The following AKAP6 variants were observed in gnomAD, a reference collection of about 807,000 sequenced individuals.
AKAP6 encodes the protein A-kinase anchoring protein 6, also known as A-kinase anchor protein 6.
In AKAP6, 58 loss-of-function variants were observed where a neutral mutation model predicts 188.5. The ratio of observed to expected loss-of-function variants is 0.31; its 90% CI spans 0.25 to 0.38. The LOEUF (loss-of-function observed/expected upper bound fraction) is 0.38. AKAP6 is among the 10% of genes least tolerant of loss of function. The pLI is 1.00. For synonymous variants in AKAP6, 989 were observed against 998.6 expected (o/e 0.99, Z 0.18); for missense variants, 2,710 against 2,740.0 (o/e 0.99, Z 0.24).
chr14:32,353,323 G>A (rs1887356592), intron 1 of AKAP6, among the ~76,000 whole-genome samples: 1 of 152,214 alleles, frequency 6.6e-6, no homozygotes, highest in African/African-American at 2.4e-5. Context: ...AGCACTTTGG[G>A]AAGCCGAGGT....
At chr14:32,462,021 G>T (rs2138824431) in intron 2 of AKAP6, among the ~76,000 whole-genome samples, 1 of 152,046 alleles carries the variant, frequency 6.6e-6, no homozygotes, top group African/African-American at 2.4e-5. Flanking sequence ...GTGAAGACAA[G>T]ATTAGAGGAA....
At chr14:32,648,257 TA>T (rs1179140173) in intron 7 of AKAP6, among the ~76,000 whole-genome samples, 3 of 152,112 alleles carry the variant, frequency 2.0e-5, no homozygotes, top group African/African-American at 2.4e-5. Flanking sequence ...AAAATTACAA[TA>T]AAAATATCTC....
chr14:32,352,103 TTGTGTGTGTG>T (rs398024717), intron 1 of AKAP6, among the ~76,000 whole-genome samples: 16 of 120,356 alleles, frequency 1.3e-4, no homozygotes, highest in South Asian at 1.0e-3. Flanking sequence ...GTGTGTGTGT[TTGTGTGTGTG>T]TGTGTGTGTG....
chr14:32,413,034 G>T (rs1889538563), intron 1 of AKAP6, among the ~76,000 whole-genome samples: 1 of 152,070 alleles, frequency 6.6e-6, no homozygotes, highest in Admixed American at 6.6e-5. Flanking sequence ...CTATCCAGAG[G>T]TCCTTAAGAG....
chr14:32,532,012 T>A (rs1353942678), intron 2 of AKAP6, among the ~76,000 whole-genome samples: 1 of 152,232 alleles, frequency 6.6e-6, no homozygotes, highest in Non-Finnish European at 1.5e-5. Context: ...GGAGTGGGAT[T>A]GCTGGGTCAT....
intron 7 of AKAP6, among the ~76,000 whole-genome samples, chr14:32,604,013 T>A (rs1886039189): frequency 6.6e-6 from 1 of 152,134 alleles, no homozygotes; most frequent in African/African-American, 2.4e-5. Flanking sequence ...TGAATTTAAA[T>A]ATCAAGAAGA....
rs972876403 is a variant in AKAP6 at position 32,433,931 on chromosome 14, C to A, written c.324+114C>A. The A allele has an allele frequency of 8.5e-5, 84 of 986,146 alleles. 1 individual carries two copies. The Middle Eastern group carries it at 9.1e-4, about 11-fold the overall frequency. 61.1% of individuals were successfully genotyped at this position (986,146 alleles called of 1,614,324 possible). ...ATTGTCCAGGAAGAAAAGCACAGTA[C>A]CAGGTTTCAAACCATTATCTTTAGA... On this transcript the variant is annotated intron_variant, in intron 2 of 13. Transcript: ENST00000280979.
chr14:32,509,462 T>G (rs1429219060), intron 2 of AKAP6, among the ~76,000 whole-genome samples: 1 of 152,182 alleles, frequency 6.6e-6, no homozygotes, highest in Non-Finnish European at 1.5e-5. Context: ...GGACACAGTC[T>G]GTTATTAGTT....
intron 11 of AKAP6, among the ~76,000 whole-genome samples, chr14:32,752,565 G>A (rs1052639443): frequency 6.6e-6 from 1 of 152,106 alleles, no homozygotes; most frequent in Non-Finnish European, 1.5e-5. Flanking sequence ...ATATGTATAT[G>A]TCGTGACATG....
At chr14:32,524,001 A>G (rs1349172797) in intron 2 of AKAP6, among the ~76,000 whole-genome samples, 1 of 152,170 alleles carries the variant, frequency 6.6e-6, no homozygotes, top group East Asian at 1.9e-4. Context: ...GTTCTTCAAC[A>G]GATAAATTGT....
chr14:32,754,970 C>A (rs1432366846), intron 11 of AKAP6, among the ~76,000 whole-genome samples: 1 of 152,088 alleles, frequency 6.6e-6, no homozygotes, highest in Non-Finnish European at 1.5e-5. Flanking sequence ...TATAATTTGT[C>A]CTGGTGAAGA....
chr14:32,368,963 G>T (rs1327169797), intron 1 of AKAP6, among the ~76,000 whole-genome samples: 3 of 152,106 alleles, frequency 2.0e-5, no homozygotes, highest in Non-Finnish European at 2.9e-5. Flanking sequence ...GGGGAGTGAT[G>T]TGGTTAGAAT....
intron 9 of AKAP6, among the ~76,000 whole-genome samples, chr14:32,728,399 G>T (rs888889015): frequency 2.1e-5 from 3 of 144,802 alleles, no homozygotes; most frequent in African/African-American, 7.7e-5. Context: ...TCTATCAATC[G>T]TATCTATCAG....
At chr14:32,411,203 T>G (rs1363903811) in intron 1 of AKAP6, among the ~76,000 whole-genome samples, 3 of 152,168 alleles carry the variant, frequency 2.0e-5, no homozygotes, top group African/African-American at 7.2e-5. Flanking sequence ...ACAGGACAGC[T>G]CTCCACAACA....
At chr14:32,361,057 C>CTATATATATAT (rs1423374090) in intron 1 of AKAP6, among the ~76,000 whole-genome samples, 2 of 126,532 alleles carry the variant, frequency 1.6e-5, no homozygotes, top group Non-Finnish European at 3.5e-5. Flanking sequence ...CCTGAACATA[C>CTATATATATAT]ATATATATAT....
In AKAP6 at chr14:32,804,445, G is replaced by T. The variant is rs150255131; in HGVS notation, c.3589-16957G>T. Among the ~76,000 whole-genome samples the T allele has an allele frequency of 4.1e-3, 626 of 152,188 alleles. 2 individuals carry two copies. Among genetic ancestry groups the T allele is most frequent in the Non-Finnish European group, 6.6e-3 (448 of 68,014 alleles). ...CTCAGACCAGCAAGTTTTTATTAAG[G>T]GTTTCAAAAGGGGAGAGTGTGTAAA... On this transcript the variant is annotated intron_variant, in intron 12 of 13. Coordinates refer to ENST00000280979, the MANE Select transcript of AKAP6 (RefSeq NM_004274.5).
chr14:32,674,964 T>G (rs1889367173), intron 7 of AKAP6, among the ~76,000 whole-genome samples: 1 of 152,162 alleles, frequency 6.6e-6, no homozygotes, highest in South Asian at 2.1e-4. Context: ...TTATACTGGG[T>G]GAGCCAGTGG....
intron 7 of AKAP6, among the ~76,000 whole-genome samples, chr14:32,645,576 C>T (rs900519591): frequency 7.2e-5 from 11 of 152,150 alleles, no homozygotes; most frequent in Non-Finnish European, 1.5e-4. Flanking sequence ...GCCACCACAC[C>T]CACCTACATT....
At chr14:32,607,415 A>G (rs1220502587) in intron 7 of AKAP6, among the ~76,000 whole-genome samples, 2 of 152,218 alleles carry the variant, frequency 1.3e-5, no homozygotes, top group East Asian at 1.9e-4. Flanking sequence ...GAGCACAGGT[A>G]TATGTTATCG....
Sources: allele counts gnomAD v4.1 joint callset (sites outside exome capture counted in the v4.1 genomes callset), GRCh38; gene constraint gnomAD v4.1.1; transcripts MANE v1.5; gene names NCBI Gene and HGNC (gene_info 2026-07-23, HGNC 2026-07-21).